PDE1A: variants seen among roughly 807,000 people sequenced by gnomAD.
PDE1A encodes dual specificity calcium/calmodulin-dependent 3',5'-cyclic nucleotide phosphodiesterase 1A.
PDE1A carries 35 observed loss-of-function variants against 61.7 expected under a neutral mutation model. That is an observed-to-expected ratio of 0.57 (90% CI 0.43 to 0.75). PDE1A has a LOEUF of 0.75. PDE1A is among the 30% of genes least tolerant of loss of function. The probability of loss-of-function intolerance (pLI) is 0.00; values close to 1 mark genes in which losing one functional copy is unlikely to be tolerated. For synonymous variants in PDE1A, 232 were observed against 213.2 expected, an observed-to-expected ratio of 1.09 and a Z score of -0.77; for missense variants, 597 against 630.6, an observed-to-expected ratio of 0.95 and a Z score of 0.57.
chr2:182,293,117 A>C (rs1174107558), intron 1 of PDE1A, among the ~76,000 whole-genome samples: 1 of 152,074 alleles, frequency 6.6e-6, no homozygotes, highest in Non-Finnish European at 1.5e-5. Context: ...TCATTAGCTG[A>C]TATTTTAAAG....
At chr2:182,536,192 G>C in the PDE1A span, among the ~76,000 whole-genome samples, 1 of 152,174 alleles carries the variant, frequency 6.6e-6, no homozygotes, top group Non-Finnish European at 1.5e-5. Context: ...AACTCAGGAA[G>C]TGTGATGTTA....
chr2:182,511,626 C>T (rs543559229), intron 2 of PDE1A, among the ~76,000 whole-genome samples: 7 of 152,292 alleles, frequency 4.6e-5, no homozygotes, highest in African/African-American at 1.7e-4. Context: ...CTCCCAAGGC[C>T]TGCCATGCTA....
chr2:182,578,294 C>A, the PDE1A span, among the ~76,000 whole-genome samples: 1 of 151,978 alleles, frequency 6.6e-6, no homozygotes, highest in African/African-American at 2.4e-5. Flanking sequence ...TCTTACAAAG[C>A]AAATTTAAGG....
At chr2:182,598,353 C>T in the PDE1A span, among the ~76,000 whole-genome samples, 1 of 152,150 alleles carries the variant, frequency 6.6e-6, no homozygotes, top group African/African-American at 2.4e-5. Context: ...GGAGGGATCA[C>T]CTAAGGCCAG....
rs922160867 is a variant in PDE1A at position 182,201,113 on chromosome 2, C to G, written c.1125+326G>C. On this transcript the variant is annotated intron_variant, in intron 10 of 13. Coordinates refer to ENST00000351439, the Ensembl canonical transcript of PDE1A. ...GAACTGTTATATATCCTTATCTACT[C>G]TTTCTATTATGAAAGCTATTTGCTG... is the stretch of plus-strand genomic sequence containing the variant. 2.0e-5 allele frequency among the ~76,000 whole-genome samples: 3 copies of G among 152,182 alleles called. No individual in the cohort carries two copies. The South Asian group carries it at 6.2e-4, about 32-fold the overall frequency.
intron 2 of PDE1A, among the ~76,000 whole-genome samples, chr2:182,250,396 A>C (rs1418069766): frequency 5.9e-5 from 9 of 152,188 alleles, no homozygotes. Context: ...GAAATAGGTA[A>C]TACATTTGAA....
intron 1 of PDE1A, among the ~76,000 whole-genome samples, chr2:182,363,512 T>G (rs1361959654): frequency 1.3e-5 from 2 of 151,842 alleles, no homozygotes; most frequent in Non-Finnish European, 2.9e-5. Flanking sequence ...AAATTTGAAT[T>G]TAGATGTGAA....
intron 1 of PDE1A, among the ~76,000 whole-genome samples, chr2:182,344,077 G>C (rs1405276890): frequency 1.3e-5 from 2 of 152,016 alleles, no homozygotes; most frequent in Admixed American, 1.3e-4. Context: ...TCATTATGTT[G>C]CCCAGGTTGG....
intron 13 of PDE1A, among the ~76,000 whole-genome samples, chr2:182,179,596 A>G (rs866946884): frequency 6.6e-6 from 1 of 152,134 alleles, no homozygotes; most frequent in Non-Finnish European, 1.5e-5. Context: ...GCAAGATCAT[A>G]TATTTCATAT....
intron 3 of PDE1A, among the ~76,000 whole-genome samples, chr2:182,238,277 A>AAAAAAAG (rs1199781414): frequency 6.6e-6 from 1 of 150,700 alleles, no homozygotes; most frequent in Non-Finnish European, 1.5e-5. Context: ...AAAAAAAAAA[A>AAAAAAAG]AAAAAGAAAA....
intron 2 of PDE1A, among the ~76,000 whole-genome samples, chr2:182,488,791 A>G (rs1688189165): frequency 6.6e-6 from 1 of 152,230 alleles, no homozygotes; most frequent in African/African-American, 2.4e-5. Flanking sequence ...AAATTATGTA[A>G]AACACAGTCT....
At position 182,238,266 on chromosome 2, in the gene PDE1A, C is replaced by CAAAAAAAAAAA. The variant is rs3063250; in HGVS notation, c.350+1833_350+1843dup. On this transcript the variant is annotated intron_variant, in intron 3 of 13. Coordinates refer to ENST00000351439, the Ensembl canonical transcript of PDE1A. ...CCTGGGTGACAGAGCCAGACTACGTCAAAAAAAAAAAAAAAAGAAAAAGAA... is the reference window on the plus strand; with the variant it reads ...CCTGGGTGACAGAGCCAGACTACGTCAAAAAAAAAAAAAAAAAAAAAAAAAAAGAAAAAGAA... 3.0e-3 allele frequency among the ~76,000 whole-genome samples: 295 copies of CAAAAAAAAAAA among 98,028 alleles called. 12 individuals are homozygous for CAAAAAAAAAAA. The highest frequency in any genetic ancestry group is 9.6e-3 in the African/African-American group (217 of 22,652). The allele number at this position is 98,028 out of a possible 152,430, so 64.3% of individuals were successfully genotyped here. A position where few individuals can be genotyped will look rare whatever the true frequency, so the allele number is the denominator to read the frequency against.
chr2:182,331,503 A>G (rs2124947198), intron 1 of PDE1A, among the ~76,000 whole-genome samples: 1 of 152,226 alleles, frequency 6.6e-6, no homozygotes, highest in Admixed American at 6.5e-5. Flanking sequence ...TCCTTTCCAT[A>G]TTTAGTGCTT....
rs1239184613 is a variant in PDE1A, at chr2:182,227,811, G to A, written c.675+2195C>T. On this transcript the variant is annotated intron_variant, in intron 6 of 13. Transcript: ENST00000351439. ...GTATCATATTGGAAGCCATTTATAA[G>A]AACAGAATTTCCACATAATTTGTAG... is the stretch of plus-strand genomic sequence containing the variant. Among the ~76,000 whole-genome samples the A allele has an allele frequency of 2.0e-5, 3 of 152,174 alleles. No homozygotes were observed. In the East Asian group the frequency reaches 5.8e-4, roughly 29 times the overall value.
chr2:182,258,364 A>G (rs1691981895), intron 2 of PDE1A, among the ~76,000 whole-genome samples: 4 of 152,122 alleles, frequency 2.6e-5, no homozygotes, highest in Admixed American at 2.6e-4. Context: ...CAAAGGAACA[A>G]TTCATCAGTC....
intron 2 of PDE1A, among the ~76,000 whole-genome samples, chr2:182,446,134 T>C (rs994496031): frequency 3.9e-5 from 6 of 152,240 alleles, no homozygotes; most frequent in South Asian, 2.1e-4. Context: ...ATTTTAAATA[T>C]AATAGCCAGA....
intron 2 of PDE1A, among the ~76,000 whole-genome samples, chr2:182,481,349 C>T (rs1441969521): frequency 6.6e-6 from 1 of 151,854 alleles, no homozygotes; most frequent in Non-Finnish European, 1.5e-5. Context: ...ACCTCCCTGT[C>T]ATGGAACCTG....
chr2:182,676,233 T>C, the PDE1A span, among the ~76,000 whole-genome samples: 1 of 151,996 alleles, frequency 6.6e-6, no homozygotes, highest in Non-Finnish European at 1.5e-5. Context: ...AAACGGGACA[T>C]TACCACTGAC....
chr2:182,309,892 A>C (rs930842205), intron 1 of PDE1A, among the ~76,000 whole-genome samples: 10 of 152,176 alleles, frequency 6.6e-5, no homozygotes, highest in African/African-American at 2.4e-4. Context: ...TAGTTAAAAT[A>C]GGAATCAAAG....
Sources: gnomAD v4.1 joint callset for allele counts (sites outside exome capture counted in the v4.1 genomes callset) on GRCh38, gnomAD v4.1.1 for gene constraint, MANE v1.5 for transcripts, NCBI Gene and HGNC (gene_info 2026-07-23, HGNC 2026-07-21) for gene names.